MRPL1: variants seen among roughly 807,000 people sequenced by gnomAD.
The protein encoded by MRPL1 is large ribosomal subunit protein uL1m.
MRPL1 carries 28 observed loss-of-function variants against 38.0 expected under a neutral mutation model. That is an observed-to-expected ratio of 0.74 (90% confidence interval 0.55 to 1.01). MRPL1 has a LOEUF of 1.01. Among genes scored for constraint, MRPL1 ranks in the 50% least tolerant of loss-of-function variants. The probability of loss-of-function intolerance (pLI) is 0.00; values close to 1 mark genes in which losing one functional copy is unlikely to be tolerated. For synonymous variants in MRPL1, 123 were observed against 126.7 expected, an observed-to-expected ratio of 0.97 and a Z score of 0.20; for missense variants, 358 against 389.8, an observed-to-expected ratio of 0.92 and a Z score of 0.69.
chr4:77,883,312 A>G lies in MRPL1; in HGVS notation c.214A>G (p.Ile72Val). The change falls in exon 3 of 9, where the codon ATA becomes GTA. Residue 72 changes from isoleucine (I) to valine (V), a missense_variant. By Grantham distance (29) the Ile-to-Val change is conservative (BLOSUM62 3). Coordinates refer to ENST00000315567, the MANE Select transcript of MRPL1 (RefSeq NM_020236.4). The part of the protein sequence containing the change: ...PDEKKDEIEK[I>V]KAYPYMEGEP... ...TGAGAAAAAAGATGAAATAGAAAAA[A>G]TAAAAGCATATCCCTATATGGAAGG... The G allele has an allele frequency of 1.2e-6, 2 of 1,606,542 alleles. No homozygotes were observed. The highest frequency in any genetic ancestry group is 1.7e-6 in the Non-Finnish European group (2 of 1,178,166).
intron 6 of MRPL1, among the ~76,000 whole-genome samples, chr4:77,908,722 A>G (rs375264586): frequency 7.1e-4 from 108 of 152,290 alleles, no homozygotes; most frequent in Middle Eastern, 3.4e-3. Flanking sequence ...GTGTGTCAGG[A>G]ATGTATGTGT....
rs190089737 is a variant in MRPL1, at chr4:77,865,303, A to G, written c.31+2424A>G. ...TATTCTACATCTCCACTTTGATAGC[A>G]TATCAGCACCTTGCAGTTGTTTAAA... On this transcript the variant is annotated intron_variant, in intron 1 of 8. Coordinates refer to ENST00000315567, the MANE Select transcript of MRPL1 (RefSeq NM_020236.4). 4.8e-3 allele frequency among the ~76,000 whole-genome samples: 725 copies of G among 152,324 alleles called. 6 individuals carry two copies. The highest frequency in any genetic ancestry group is 0.017 in the African/African-American group (690 of 41,584).
At chr4:77,921,195 A>C (rs977341057) in intron 7 of MRPL1, among the ~76,000 whole-genome samples, 2 of 152,236 alleles carry the variant, frequency 1.3e-5, no homozygotes, top group Non-Finnish European at 2.9e-5. Flanking sequence ...TCTATGACAA[A>C]GTACACATGT....
rs71214374 is a variant in MRPL1 at position 77,867,746 on chromosome 4, CTTTTTTTTTTTTTTT to C, written c.32-3983_32-3969del. On this transcript the variant is annotated intron_variant, in intron 1 of 8. Transcript: ENST00000315567. ...TACACCCAGCCTTGGATAGTTATTT[CTTTTTTTTTTTTTTT>C]TTTTTTTTTTTTTTAGACGGAGTCT... Among the ~76,000 whole-genome samples the C allele has an allele frequency of 6.5e-5, 6 of 92,032 alleles. No homozygotes were observed. The South Asian group carries it at 2.0e-3, about 30-fold the overall frequency. The allele number at this position is 92,032 out of a possible 152,430, so 60.4% of individuals were successfully genotyped here.
intron 2 of MRPL1, among the ~76,000 whole-genome samples, chr4:77,881,845 A>C (rs779167555): frequency 2.0e-5 from 3 of 152,102 alleles, no homozygotes; most frequent in Non-Finnish European, 2.9e-5. Context: ...AAAGGGCGGG[A>C]ACAGACTCTT....
intron 6 of MRPL1, among the ~76,000 whole-genome samples, chr4:77,908,647 T>C (rs1358727374): frequency 6.6e-6 from 1 of 152,248 alleles, no homozygotes; most frequent in Non-Finnish European, 1.5e-5. Context: ...TTATCCATAA[T>C]GGTGCAACAA....
chr4:77,870,558 C>T (rs563645817), intron 1 of MRPL1, among the ~76,000 whole-genome samples: 2 of 152,218 alleles, frequency 1.3e-5, no homozygotes, highest in East Asian at 3.9e-4. Flanking sequence ...TGAAAATAGG[C>T]TCTAATACCT....
rs969402527 is a variant in MRPL1, at chr4:77,863,461, A to ATTTTTTTTTTTTTTTTTTTTTTT, written c.31+603_31+604insTTTTTTTTTTTTTTTTTTTTTTT. Among the ~76,000 whole-genome samples, 112 of 112,648 alleles carry ATTTTTTTTTTTTTTTTTTTTTTT rather than the reference A, an allele frequency of 9.9e-4. 6 individuals are homozygous for ATTTTTTTTTTTTTTTTTTTTTTT. Among genetic ancestry groups the ATTTTTTTTTTTTTTTTTTTTTTT allele is most frequent in the Non-Finnish European group, 1.4e-3 (79 of 57,058 alleles). The allele number at this position is 112,648 out of a possible 152,430, so 73.9% of individuals were successfully genotyped here. On this transcript the variant is annotated intron_variant, in intron 1 of 8. Coordinates refer to ENST00000315567, the MANE Select transcript of MRPL1 (RefSeq NM_020236.4). ...GATGACAGCCCTTTCTTGTGCAACAATTTTTTTTTTTTTTTTTTTTTGAGA... is the reference window on the plus strand; with the variant it reads ...GATGACAGCCCTTTCTTGTGCAACAATTTTTTTTTTTTTTTTTTTTTTTTTTTTTTTTTTTTTTTTTTTTGAGA...
chr4:77,878,389 C>T (rs1368358094), intron 2 of MRPL1, among the ~76,000 whole-genome samples: 1 of 152,120 alleles, frequency 6.6e-6, no homozygotes, highest in Non-Finnish European at 1.5e-5. Context: ...TATTTCCATT[C>T]CATTAATATG....
intron 7 of MRPL1, among the ~76,000 whole-genome samples, chr4:77,914,064 A>G (rs995505442): frequency 1.3e-5 from 2 of 152,208 alleles, no homozygotes; most frequent in African/African-American, 2.4e-5. Flanking sequence ...GTGTGTATAC[A>G]TAAGTCAAAG....
At position 77,946,204 on chromosome 4, in the gene MRPL1, T is replaced by C. The variant is rs7684588; in HGVS notation, c.778-3593T>C. Among the ~76,000 whole-genome samples the C allele has an allele frequency of 2.7e-3, 418 of 152,250 alleles. 4 individuals are homozygous for C. Among genetic ancestry groups the C allele is most frequent in the Middle Eastern group, 0.01 (3 of 294 alleles). ...TAATATTTAAAAGAATTGAGCGATATTGTTCCTACTTGCACGTCCATTTAT... is the reference window on the plus strand; with the variant it reads ...TAATATTTAAAAGAATTGAGCGATACTGTTCCTACTTGCACGTCCATTTAT... On this transcript the variant is annotated intron_variant, in intron 7 of 8. Coordinates refer to ENST00000315567, the MANE Select transcript of MRPL1 (RefSeq NM_020236.4).
At position 77,883,438 on chromosome 4, in the gene MRPL1, T is replaced by G. The variant is rs1735596606; in HGVS notation, c.340T>G (p.Phe114Val). The change falls in exon 3 of 9, where the codon TTT becomes GTT. Residue 114 changes from phenylalanine (F) to valine (V), a missense_variant. Phe to Val is a conservative substitution (Grantham distance 50, BLOSUM62 -1). Transcript: ENST00000315567. Reference sequence around the variant, plus strand: ...ACTTAAGAAATTTCAAATTCTTGACTTTACTAGTCCAAAGCAAAGTGTTTA... The same window carrying G: ...ACTTAAGAAATTTCAAATTCTTGACGTTACTAGTCCAAAGCAAAGTGTTTA... ...HLLKKFQILD[F>V]TSPKQSVYLD... 1.2e-6 allele frequency: 2 copies of G among 1,613,976 alleles called. No homozygotes were observed. Among genetic ancestry groups the G allele is most frequent in the Non-Finnish European group, 1.7e-6 (2 of 1,179,908 alleles).
At chr4:77,879,764 T>A (rs995169424) in intron 2 of MRPL1, among the ~76,000 whole-genome samples, 1 of 152,222 alleles carries the variant, frequency 6.6e-6, no homozygotes, top group African/African-American at 2.4e-5. Context: ...CAGGATTTTG[T>A]GGAGTACTTC....
At chr4:77,867,368 T>C (rs991355611) in intron 1 of MRPL1, among the ~76,000 whole-genome samples, 13 of 152,336 alleles carry the variant, frequency 8.5e-5, no homozygotes, top group Middle Eastern at 3.4e-3. Flanking sequence ...CAATTTTTGC[T>C]CTCATTTGTT....
intron 6 of MRPL1, among the ~76,000 whole-genome samples, chr4:77,903,592 A>G (rs186807447): frequency 5.6e-4 from 85 of 152,356 alleles, no homozygotes; most frequent in African/African-American, 2.0e-3. Context: ...TAATGAGGTT[A>G]TAGGATACAA....
At chr4:77,891,349 G>GTTTTTTTTTTT (rs797018478) in intron 5 of MRPL1, among the ~76,000 whole-genome samples, 1 of 125,136 alleles carries the variant, frequency 8.0e-6, no homozygotes, top group Non-Finnish European at 1.8e-5. Flanking sequence ...AGTTTTTTTT[G>GTTTTTTTTTTT]TTTTTTTTTT....
intron 7 of MRPL1, among the ~76,000 whole-genome samples, chr4:77,927,071 T>C (rs116519531): frequency 0.03 from 4,576 of 152,172 alleles, 95 homozygotes; most frequent in Non-Finnish European, 0.043. Flanking sequence ...TTTATACTTT[T>C]CCCTCCCTCC....
intron 2 of MRPL1, among the ~76,000 whole-genome samples, chr4:77,878,572 C>T (rs1735454513): frequency 6.6e-6 from 1 of 152,060 alleles, no homozygotes; most frequent in South Asian, 2.1e-4. Context: ...TTTATTATAT[C>T]TCTGATTTTT....
chr4:77,948,996 C>G (rs756603405), intron 7 of MRPL1, among the ~76,000 whole-genome samples: 3 of 152,184 alleles, frequency 2.0e-5, no homozygotes, highest in Admixed American at 6.5e-5. Context: ...GTCTCAAACT[C>G]CTGACCTCAG....
Sources: allele counts gnomAD v4.1 joint callset (sites outside exome capture counted in the v4.1 genomes callset), GRCh38; gene constraint gnomAD v4.1.1; transcripts MANE v1.5; gene names NCBI Gene and HGNC (gene_info 2026-07-23, HGNC 2026-07-21).